The following PPFIA1 variants were observed in gnomAD, a reference collection of about 807,000 sequenced individuals.
PPFIA1 encodes liprin-alpha-1.
A neutral mutation model predicts 149.9 loss-of-function variants in PPFIA1; 25 were observed. The ratio of observed to expected loss-of-function variants is 0.17; its 90% CI spans 0.12 to 0.23. The LOEUF (loss-of-function observed/expected upper bound fraction) is 0.23. Among genes scored for constraint, PPFIA1 ranks in the 10% least tolerant of loss-of-function variants. The pLI, the probability that PPFIA1 is intolerant of heterozygous loss-of-function variation, is 1.00. For missense variants in PPFIA1, 1,362 were observed against 1,506.5 expected, an observed-to-expected ratio of 0.90 and a Z score of 1.59; for synonymous variants, 549 against 552.8, an observed-to-expected ratio of 0.99 and a Z score of 0.10.
chr11:70,298,766 G>A (rs2052269583), intron 2 of PPFIA1, among the ~76,000 whole-genome samples: 1 of 152,152 alleles, frequency 6.6e-6, no homozygotes, highest in Non-Finnish European at 1.5e-5. Context: ...GGGGATTGCT[G>A]TTACATTCAT....
At position 70,367,879 on chromosome 11, in the gene PPFIA1, T is replaced by G. The variant is rs546714133; in HGVS notation, c.2866-4336T>G. On this transcript the variant is annotated intron_variant, in intron 21 of 27. Coordinates refer to ENST00000253925, the MANE Select transcript of PPFIA1 (RefSeq NM_003626.5). The stretch of plus-strand genomic sequence containing the variant: ...GGCCAGGTGTAGTGGCTCACACCTG[T>G]AATCCCAGCACTTTGGGAGGCTGAG... Among the ~76,000 whole-genome samples the G allele has an allele frequency of 1.3e-3, 193 of 152,308 alleles. 1 individual carries two copies. Among genetic ancestry groups the G allele is most frequent in the African/African-American group, 4.5e-3 (186 of 41,576 alleles).
At chr11:70,345,899 C>G (rs937749220) in intron 15 of PPFIA1, 3 of 344,022 alleles carry the variant, frequency 8.7e-6, no homozygotes, top group African/African-American at 6.5e-5. Context: ...CAGGTCCCGT[C>G]ACACAGTGGC....
chr11:70,371,562 G>GTATATTCTGGTGTTGGGTGGAT (rs1565460626), intron 21 of PPFIA1: 1 of 92 alleles, frequency 0.011, no homozygotes, highest in African/African-American at 0.029. Flanking sequence ...GTTGGGTGGT[G>GTATATTCTGGTGTTGGGTGGAT]TGTTCTATGA....
At position 70,365,846 on chromosome 11, in the gene PPFIA1, G is replaced by A. The variant is rs1032281127; in HGVS notation, c.2865+3358G>A. 1.7e-5 allele frequency: 7 copies of A among 424,086 alleles called. No individual in the cohort carries two copies. The East Asian group carries it at 2.8e-4, about 17-fold the overall frequency. The allele number at this position is 424,086 out of a possible 1,614,324, so 26.3% of individuals were successfully genotyped here. On this transcript the variant is annotated intron_variant, in intron 21 of 27. Coordinates refer to ENST00000253925, the MANE Select transcript of PPFIA1 (RefSeq NM_003626.5). ...AGTCTGAACTTTTTCACTCAGTGAA[G>A]CTGCATCTTCCCTGCAGAGTTGCGT...
At chr11:70,316,743 A>G (rs898614202) in intron 2 of PPFIA1, among the ~76,000 whole-genome samples, 2 of 152,258 alleles carry the variant, frequency 1.3e-5, no homozygotes, top group African/African-American at 2.4e-5. Flanking sequence ...GGCTACTTCA[A>G]GCCATCGGAA....
chr11:70,380,246 C>T (rs1339307887), intron 26 of PPFIA1, among the ~76,000 whole-genome samples: 2 of 146,304 alleles, frequency 1.4e-5, no homozygotes. Flanking sequence ...GCCTGGCCAA[C>T]GTGGTGAAAC....
intron 21 of PPFIA1, chr11:70,371,279 G>A (rs1300529365): frequency 4.2e-4 from 1 of 2,358 alleles, no homozygotes; most frequent in Admixed American, 5.7e-3. Flanking sequence ...AGTATGTTGA[G>A]ATTTGTCTGT....
intron 14 of PPFIA1, among the ~76,000 whole-genome samples, chr11:70,342,520 C>T (rs1214498061): frequency 6.6e-6 from 1 of 152,208 alleles, no homozygotes; most frequent in East Asian, 1.9e-4. Flanking sequence ...CTGCCCATGC[C>T]GCATACACTG....
At chr11:70,282,724 G>T (rs1349470836) in intron 2 of PPFIA1, among the ~76,000 whole-genome samples, 1 of 151,444 alleles carries the variant, frequency 6.6e-6, no homozygotes, top group African/African-American at 2.4e-5. Flanking sequence ...AGTAGAGACA[G>T]GGTTTCACCA....
intron 26 of PPFIA1, among the ~76,000 whole-genome samples, chr11:70,379,545 G>A (rs1201515845): frequency 2.6e-5 from 4 of 151,730 alleles, no homozygotes; most frequent in African/African-American, 9.7e-5. Flanking sequence ...GATAGGCTGA[G>A]AGGCAGGAGA....
At chr11:70,365,431 A>G in intron 21 of PPFIA1, 1 of 456,586 alleles carries the variant, frequency 2.2e-6, no homozygotes, top group South Asian at 1.5e-5. Context: ...GCCACGCCGC[A>G]AACGGTTAGT....
rs1287413641 is a variant in PPFIA1, at chr11:70,277,037, G to GATAT, written c.264+4622_264+4625dup. ...TTTTGCTTTTTTTTTGTTTGATTGA[G>GATAT]ATATATATATATATATATATATATT... On this transcript the variant is annotated intron_variant, in intron 2 of 27. Transcript: ENST00000253925. 6.3e-4 allele frequency among the ~76,000 whole-genome samples: 50 copies of GATAT among 79,194 alleles called. 1 individual carries two copies. Among genetic ancestry groups the GATAT allele is most frequent in the Middle Eastern group, 7.7e-3 (1 of 130 alleles). 52.0% of individuals were successfully genotyped at this position (79,194 alleles called of 152,430 possible).
intron 14 of PPFIA1, among the ~76,000 whole-genome samples, chr11:70,339,641 T>C (rs2055193415): frequency 1.4e-5 from 2 of 145,396 alleles, no homozygotes; most frequent in Admixed American, 6.9e-5. Flanking sequence ...TTTTTTTTTT[T>C]CCTTTTAATA....
rs571047728 is a variant in PPFIA1 at position 70,277,593 on chromosome 11, C to T, written c.264+5157C>T. On this transcript the variant is annotated intron_variant, in intron 2 of 27. Coordinates refer to ENST00000253925, the MANE Select transcript of PPFIA1 (RefSeq NM_003626.5). Reference sequence around the variant, plus strand: ...GCAACCTCCATCTCCCATGTTTGAGCGATTTTCTTGCCTCAGCCTTCTGAG... The same window carrying T: ...GCAACCTCCATCTCCCATGTTTGAGTGATTTTCTTGCCTCAGCCTTCTGAG... 1.3e-3 allele frequency among the ~76,000 whole-genome samples: 203 copies of T among 151,888 alleles called. 1 individual carries two copies. Among genetic ancestry groups the T allele is most frequent in the Non-Finnish European group, 2.3e-3 (158 of 67,988 alleles).
At chr11:70,373,173 T>A (rs574870253) in intron 23 of PPFIA1, among the ~76,000 whole-genome samples, 10 of 152,188 alleles carry the variant, frequency 6.6e-5, no homozygotes, top group Non-Finnish European at 7.4e-5. Context: ...CTCTTCTCCG[T>A]TGGGGAGTCC....
intron 19 of PPFIA1, among the ~76,000 whole-genome samples, chr11:70,357,337 C>T (rs2056407684): frequency 6.6e-6 from 1 of 152,194 alleles, no homozygotes; most frequent in Non-Finnish European, 1.5e-5. Context: ...ACCCTCTCCC[C>T]TAGAGGCCCC....
intron 2 of PPFIA1, among the ~76,000 whole-genome samples, chr11:70,315,164 G>A (rs2053527998): frequency 6.6e-6 from 1 of 152,120 alleles, no homozygotes; most frequent in African/African-American, 2.4e-5. Flanking sequence ...CAGATATATT[G>A]GAACTTTAAA....
At position 70,295,829 on chromosome 11, in the gene PPFIA1, C is replaced by T. The variant is rs1049784123; in HGVS notation, c.264+23393C>T. Among the ~76,000 whole-genome samples the T allele has an allele frequency of 1.3e-3, 200 of 152,002 alleles. 1 individual carries two copies. Among genetic ancestry groups the T allele is most frequent in the African/African-American group, 4.4e-3 (183 of 41,430 alleles). On this transcript the variant is annotated intron_variant, in intron 2 of 27. Coordinates refer to ENST00000253925, the MANE Select transcript of PPFIA1 (RefSeq NM_003626.5). ...ACGGGGCGGCTGCTGGGCGGAGACG[C>T]TCCTCACTTCCCAGACGGGGTGGCT...
At chr11:70,296,746 A>G (rs1246742295) in intron 2 of PPFIA1, among the ~76,000 whole-genome samples, 1 of 76,766 alleles carries the variant, frequency 1.3e-5, no homozygotes. Flanking sequence ...GGAGAGGGAG[A>G]GAGGGAGGGA....
Sources: gnomAD v4.1 joint callset for allele counts (sites outside exome capture counted in the v4.1 genomes callset) on GRCh38, gnomAD v4.1.1 for gene constraint, MANE v1.5 for transcripts, NCBI Gene and HGNC (gene_info 2026-07-23, HGNC 2026-07-21) for gene names.